ADA: variants seen among roughly 807,000 people sequenced by gnomAD.
The protein encoded by ADA is adenosine aminohydrolase.
ADA carries 45 observed loss-of-function variants against 49.0 expected under a neutral mutation model. The observed-to-expected ratio is 0.92, with a 90% CI of 0.72 to 1.18. The LOEUF is 1.18. ADA is among the 50% of genes most tolerant of loss of function. The pLI, the probability that ADA is intolerant of heterozygous loss-of-function variation, is 0.00. For missense variants in ADA, 445 were observed against 472.5 expected, an observed-to-expected ratio of 0.94 and a Z score of 0.54; for synonymous variants, 173 against 184.2, an observed-to-expected ratio of 0.94 and a Z score of 0.49.
chr20:44,643,798 A>G (rs2065560491), intron 1 of ADA, among the ~76,000 whole-genome samples: 1 of 152,200 alleles, frequency 6.6e-6, no homozygotes, highest in Non-Finnish European at 1.5e-5. Flanking sequence ...AAATCCTCCC[A>G]GCGCTGATGT....
At position 44,622,458 on chromosome 20, in the gene ADA, G is replaced by C; in HGVS notation, c.845+130C>G. The C allele has an allele frequency of 5.3e-6, 6 of 1,138,632 alleles. No individual in the cohort carries two copies. The South Asian group carries it at 6.6e-5, about 13-fold the overall frequency. The allele number at this position is 1,138,632 out of a possible 1,614,324, so 70.5% of individuals were successfully genotyped here. On this transcript the variant is annotated intron_variant, in intron 9 of 11. Transcript: ENST00000372874. ...TTGTAAGATGAGGACGGCAATGCCT[G>C]CTTCCCAGGGTGTCGAAGAGATTTC... is the stretch of plus-strand genomic sequence containing the variant.
At chr20:44,624,522 C>T (rs562571784) in intron 5 of ADA, among the ~76,000 whole-genome samples, 193 bp from the exon 6 acceptor site, 4 of 152,364 alleles carry the variant, frequency 2.6e-5, no homozygotes, top group East Asian at 1.9e-4. Context: ...CCTCAGTTTC[C>T]GCCCTTTTCA....
In ADA at chr20:44,651,582, T is replaced by A; in HGVS notation, c.26A>T (p.Lys9Met). The change falls in exon 1 of 12, where the codon AAG becomes ATG. Residue 9 changes from lysine to methionine, a missense_variant. Lys to Met is a moderately conservative substitution (Grantham distance 95, BLOSUM62 -1). Transcript: ENST00000372874. MAQTPAFD[K>M]PKVELHVHLD... ...GCCCCCGCGCGCGCTCACTTTGGGCTTGTCGAAGGCGGGCGTCTGGGCCAT... is the reference window on the plus strand; with the variant it reads ...GCCCCCGCGCGCGCTCACTTTGGGCATGTCGAAGGCGGGCGTCTGGGCCAT... 1.9e-6 allele frequency: 3 copies of A among 1,541,362 alleles called. No individual in the cohort carries two copies. In the South Asian group the frequency reaches 3.5e-5, roughly 18 times the overall value.
chr20:44,644,421 C>T (rs901556473), intron 1 of ADA, among the ~76,000 whole-genome samples: 1 of 152,110 alleles, frequency 6.6e-6, no homozygotes, highest in African/African-American at 2.4e-5. Flanking sequence ...TGGGTGCTCT[C>T]CCTGCAACAA....
chr20:44,620,923 C>G (rs1240018006), intron 10 of ADA, 95 bp downstream of exon 10: 2 of 1,557,906 alleles, frequency 1.3e-6, no homozygotes, highest in South Asian at 1.1e-5. Context: ...GGCAGACTCA[C>G]TCCCTCTCTC....
chr20:44,641,006 C>T (rs753143867), intron 1 of ADA, among the ~76,000 whole-genome samples: 27 of 152,052 alleles, frequency 1.8e-4, no homozygotes, highest in Admixed American at 9.8e-4. Flanking sequence ...CCAGGGCACA[C>T]GTTTCTGTTG....
intron 1 of ADA, among the ~76,000 whole-genome samples, chr20:44,638,974 A>G (rs556422328): frequency 1.3e-5 from 2 of 152,200 alleles, no homozygotes; most frequent in South Asian, 2.1e-4. Flanking sequence ...GGGTATATGA[A>G]ATGGATTAAA....
At position 44,629,440 on chromosome 20, in the gene ADA, A is replaced by G. The variant is rs112192646; in HGVS notation, c.96-271T>C. 1.1e-4 allele frequency among the ~76,000 whole-genome samples: 16 copies of G among 146,724 alleles called. No homozygotes were observed. In the South Asian group the frequency reaches 1.5e-3, roughly 14 times the overall value. ...GAAGTGTGTGTGTGTGTGTGTGTGT[A>G]TGTGTGCACACATGCACACACCCCC... is the stretch of plus-strand genomic sequence containing the variant. On this transcript the variant is annotated intron_variant, in intron 2 of 11. Coordinates refer to ENST00000372874, the MANE Select transcript of ADA (RefSeq NM_000022.4).
rs1235465414 is a variant in ADA at position 44,638,286 on chromosome 20, T to A, written c.34-1998A>T. Among the ~76,000 whole-genome samples the A allele has an allele frequency of 2.0e-5, 3 of 152,144 alleles. No individual in the cohort carries two copies. The East Asian group carries it at 5.8e-4, about 29-fold the overall frequency. ...ATGCTAAATAGTTGTCAACTAAAAG[T>A]CAATGAAGGCTGGGCATGGGGGCTC... is the stretch of plus-strand genomic sequence containing the variant. On this transcript the variant is annotated intron_variant, in intron 1 of 11. Coordinates refer to ENST00000372874, the MANE Select transcript of ADA (RefSeq NM_000022.4).
chr20:44,622,487 T>C, intron 9 of ADA, 101 bp downstream of exon 9: 1 of 1,403,008 alleles, frequency 7.1e-7, no homozygotes, highest in Non-Finnish European at 1.0e-6. Flanking sequence ...AGATTTCATA[T>C]CTAAAAGACG....
At chr20:44,625,737 G>C (rs2065376606) in intron 4 of ADA, 53 bp from the exon 5 acceptor site, 1 of 1,421,976 alleles carries the variant, frequency 7.0e-7, no homozygotes, top group Admixed American at 2.0e-5. Flanking sequence ...AGGCCTAAAG[G>C]GCAGCTCTGG....
At chr20:44,649,151 A>G (rs1370349676) in intron 1 of ADA, among the ~76,000 whole-genome samples, 1 of 152,122 alleles carries the variant, frequency 6.6e-6, no homozygotes, top group Non-Finnish European at 1.5e-5. Flanking sequence ...TCTTGGGCCT[A>G]GTTAACCTCT....
intron 3 of ADA, among the ~76,000 whole-genome samples, chr20:44,628,480 C>T (rs935093544): frequency 2.6e-5 from 4 of 151,794 alleles, no homozygotes; most frequent in African/African-American, 4.8e-5. Flanking sequence ...GAGCTGAGAT[C>T]GCACCACTGC....
intron 2 of ADA, among the ~76,000 whole-genome samples, chr20:44,632,755 C>T (rs570453943): frequency 2.0e-4 from 31 of 152,170 alleles, no homozygotes; most frequent in Non-Finnish European, 3.7e-4. Flanking sequence ...TGCAATGGCA[C>T]GACCTCGACT....
chr20:44,623,723 CTCTT>C (rs1294508314), intron 6 of ADA, among the ~76,000 whole-genome samples: 2 of 149,498 alleles, frequency 1.3e-5, no homozygotes, highest in Admixed American at 6.7e-5. Flanking sequence ...CTCTTTCTTT[CTCTT>C]TCTTTTCTCT....
intron 1 of ADA, among the ~76,000 whole-genome samples, chr20:44,642,181 G>A (rs1165536349): frequency 2.0e-5 from 3 of 152,202 alleles, no homozygotes; most frequent in Non-Finnish European, 4.4e-5. Flanking sequence ...GGGGCCCTGA[G>A]TGATCCAAGG....
intron 1 of ADA, among the ~76,000 whole-genome samples, chr20:44,638,555 C>T (rs1289340779): frequency 1.3e-5 from 2 of 151,940 alleles, no homozygotes; most frequent in African/African-American, 2.4e-5. Flanking sequence ...CCAGCCTGGG[C>T]GACAAGAGCG....
At chr20:44,624,113 G>A (rs536080109) in intron 6 of ADA, 89 bp downstream of exon 6, 4 of 1,518,282 alleles carry the variant, frequency 2.6e-6, no homozygotes, top group Middle Eastern at 1.7e-4. Flanking sequence ...GAGACACCAT[G>A]GTCCCTGGTT....
At chr20:44,635,317 T>A (rs1383956217) in intron 2 of ADA, among the ~76,000 whole-genome samples, 1 of 152,146 alleles carries the variant, frequency 6.6e-6, no homozygotes, top group African/African-American at 2.4e-5. Context: ...GGAGCCACTT[T>A]TCCGTGACTC....
Sources: gnomAD v4.1 joint callset for allele counts (sites outside exome capture counted in the v4.1 genomes callset) on GRCh38, gnomAD v4.1.1 for gene constraint, MANE v1.5 for transcripts, NCBI Gene and HGNC (gene_info 2026-07-23, HGNC 2026-07-21) for gene names.